The following DCDC2 variants were observed in gnomAD, a reference collection of about 807,000 sequenced individuals.
DCDC2 encodes the protein doublecortin domain containing 2.
A neutral mutation model predicts 50.2 loss-of-function variants in DCDC2; 40 were observed. That is an observed-to-expected ratio of 0.80 (90% confidence interval 0.62 to 1.04). The LOEUF is 1.04. DCDC2 is among the 50% of genes least tolerant of loss of function. The pLI is 0.00. For missense variants in DCDC2, 570 were observed against 581.9 expected (o/e 0.98, Z 0.21); for synonymous variants, 234 against 210.6 (o/e 1.11, Z -0.96).
At chr6:24,174,963 G>A in intron 9 of DCDC2, 129 bp from the exon 10 acceptor site, 1 of 490,580 alleles carries the variant, frequency 2.0e-6, no homozygotes, top group Non-Finnish European at 3.4e-6. Flanking sequence ...GAGTTCCTGG[G>A]GTTCCCTTTG....
At chr6:24,303,831 A>G (rs1353533563) in intron 2 of DCDC2, among the ~76,000 whole-genome samples, 2 of 152,210 alleles carry the variant, frequency 1.3e-5, no homozygotes, top group African/African-American at 2.4e-5. Context: ...ATCACACATA[A>G]TAAGTGGTAG....
intron 8 of DCDC2, among the ~76,000 whole-genome samples, chr6:24,183,381 G>A (rs1315342500): frequency 1.3e-5 from 2 of 152,188 alleles, no homozygotes; most frequent in Non-Finnish European, 2.9e-5. Context: ...CTGCATCGCT[G>A]AAGAGCAAGG....
intron 7 of DCDC2, among the ~76,000 whole-genome samples, chr6:24,219,639 T>C (rs904355635): frequency 2.0e-5 from 3 of 152,252 alleles, no homozygotes; most frequent in African/African-American, 7.2e-5. Flanking sequence ...GTATACGACC[T>C]GTGCGGTCAC....
At chr6:24,178,120 G>A (rs1760967149) in intron 9 of DCDC2, among the ~76,000 whole-genome samples, 1 of 152,164 alleles carries the variant, frequency 6.6e-6, no homozygotes, top group Non-Finnish European at 1.5e-5. Flanking sequence ...ATGGCAGAAG[G>A]GCAGACACAA....
intron 2 of DCDC2, among the ~76,000 whole-genome samples, chr6:24,353,047 C>T (rs887013589): frequency 6.6e-5 from 10 of 152,216 alleles, no homozygotes; most frequent in Non-Finnish European, 1.2e-4. Flanking sequence ...CCAACCTTCA[C>T]ATAAGCTTTC....
intron 6 of DCDC2, among the ~76,000 whole-genome samples, chr6:24,280,154 A>G (rs1208343533): frequency 1.3e-5 from 2 of 152,246 alleles, no homozygotes; most frequent in African/African-American, 2.4e-5. Flanking sequence ...TTTAGCCATC[A>G]TCCAATTAGG....
intron 4 of DCDC2, among the ~76,000 whole-genome samples, chr6:24,298,223 CAG>C (rs1048592894): frequency 6.6e-6 from 1 of 152,220 alleles, no homozygotes; most frequent in African/African-American, 2.4e-5. Flanking sequence ...GCTGATCTGA[CAG>C]GGGGTGGAGT....
intron 9 of DCDC2, among the ~76,000 whole-genome samples, chr6:24,175,366 A>G (rs1253657395): frequency 2.0e-5 from 3 of 152,200 alleles, no homozygotes; most frequent in African/African-American, 7.2e-5. Flanking sequence ...TTTTCCTGTT[A>G]ATAATGACAT....
At chr6:24,209,735 G>A (rs1761814261) in intron 7 of DCDC2, among the ~76,000 whole-genome samples, 1 of 152,124 alleles carries the variant, frequency 6.6e-6, no homozygotes, top group Non-Finnish European at 1.5e-5. Context: ...CAGAATGCCT[G>A]TGTATCATAT....
intron 6 of DCDC2, among the ~76,000 whole-genome samples, chr6:24,284,943 C>A (rs1422411079): frequency 1.3e-5 from 2 of 152,150 alleles, no homozygotes; most frequent in African/African-American, 4.8e-5. Context: ...ATTTTATTTT[C>A]CCCATAGCAT....
At chr6:24,236,351 C>G (rs939043993) in intron 7 of DCDC2, among the ~76,000 whole-genome samples, 9 of 152,136 alleles carry the variant, frequency 5.9e-5, no homozygotes, top group Non-Finnish European at 1.3e-4. Context: ...CTATTCGACA[C>G]ATGGTGCTGG....
intron 4 of DCDC2, among the ~76,000 whole-genome samples, chr6:24,291,520 C>G (rs1763750762): frequency 1.7e-5 from 2 of 115,732 alleles, no homozygotes; most frequent in African/African-American, 6.6e-5. Context: ...GAGTCTCGCT[C>G]TGTCGCCCAG....
chr6:24,254,508 A>G, intron 7 of DCDC2, among the ~76,000 whole-genome samples: 1 of 152,152 alleles, frequency 6.6e-6, no homozygotes, highest in East Asian at 1.9e-4. Flanking sequence ...TTTCATCTCC[A>G]TTGTAATCTT....
chr6:24,230,970 G>T (rs1212103396), intron 7 of DCDC2, among the ~76,000 whole-genome samples: 1 of 152,148 alleles, frequency 6.6e-6, no homozygotes, highest in African/African-American at 2.4e-5. Flanking sequence ...TAACAATAAG[G>T]GACAAAGCAG....
At chr6:24,370,221 C>T in the DCDC2 span, among the ~76,000 whole-genome samples, 1 of 151,928 alleles carries the variant, frequency 6.6e-6, no homozygotes, top group Non-Finnish European at 1.5e-5. Context: ...ACTAGGATGG[C>T]TATAATAGTT....
At chr6:24,374,633 G>A in the DCDC2 span, among the ~76,000 whole-genome samples, 1 of 150,618 alleles carries the variant, frequency 6.6e-6, no homozygotes, top group African/African-American at 2.4e-5. Flanking sequence ...GGGGTCTGGA[G>A]CTGGGCCTTA....
At chr6:24,223,940 G>A (rs1762170254) in intron 7 of DCDC2, among the ~76,000 whole-genome samples, 1 of 152,224 alleles carries the variant, frequency 6.6e-6, no homozygotes, top group Non-Finnish European at 1.5e-5. Context: ...GGAAATAAAA[G>A]TGAAAGTTTC....
At chr6:24,302,140 A>G in intron 2 of DCDC2, 96 bp from the exon 3 acceptor site, 1 of 1,048,524 alleles carries the variant, frequency 9.5e-7, no homozygotes, top group Admixed American at 2.6e-5. Flanking sequence ...GAACTGCCTG[A>G]GACTTCCTGT....
At chr6:24,312,342 A>C (rs1229701821) in intron 2 of DCDC2, among the ~76,000 whole-genome samples, 2 of 152,210 alleles carry the variant, frequency 1.3e-5, no homozygotes, top group African/African-American at 4.8e-5. Flanking sequence ...AATGAAAATT[A>C]AAATCTGTTA....
Sources: gnomAD v4.1 joint callset for allele counts (sites outside exome capture counted in the v4.1 genomes callset) on GRCh38, gnomAD v4.1.1 for gene constraint, MANE v1.5 for transcripts, NCBI Gene and HGNC (gene_info 2026-07-23, HGNC 2026-07-21) for gene names.